The following PCDHGA2 variants were observed in gnomAD, a reference collection of about 807,000 sequenced individuals.
PCDHGA2 encodes the protein protocadherin gamma subfamily A, 2, also known as protocadherin gamma-A2.
Under a neutral mutation model 59.2 loss-of-function variants are expected in PCDHGA2, and 40 were observed. The ratio of observed to expected loss-of-function variants is 0.68; its 90% CI spans 0.52 to 0.88. PCDHGA2 has a LOEUF of 0.88. PCDHGA2 is among the 40% of genes least tolerant of loss of function. PCDHGA2 has a pLI of 0.00. For synonymous variants in PCDHGA2, 560 were observed against 526.0 expected, an observed-to-expected ratio of 1.06 and a Z score of -0.89; for missense variants, 1,226 against 1,204.0, an observed-to-expected ratio of 1.02 and a Z score of -0.27.
intron 1 of PCDHGA2, among the ~76,000 whole-genome samples, chr5:141,386,313 A>G (rs2090530914): frequency 6.6e-6 from 1 of 152,156 alleles, no homozygotes; most frequent in Non-Finnish European, 1.5e-5. Context: ...TCAGTATATC[A>G]AGTGATTGTC....
chr5:141,506,506 C>T (rs1279198463), intron 3 of PCDHGA2, among the ~76,000 whole-genome samples: 2 of 151,030 alleles, frequency 1.3e-5, no homozygotes. Context: ...GATTCAAATC[C>T]TGGCACCTGG....
At chr5:141,479,651 C>CAAA (rs931031810) in intron 1 of PCDHGA2, 2 of 152,124 alleles carry the variant, frequency 1.3e-5, no homozygotes, top group African/African-American at 2.4e-5. Flanking sequence ...ACAACAACAA[C>CAAA]AATCCCAGAA....
chr5:141,502,450 C>T (rs184669731), intron 2 of PCDHGA2, among the ~76,000 whole-genome samples: 3 of 152,010 alleles, frequency 2.0e-5, no homozygotes, highest in Admixed American at 1.3e-4. Context: ...AGATTACACA[C>T]CTTGGTAGGA....
In PCDHGA2 at chr5:141,354,495, G is replaced by T. The variant is rs751604496; in HGVS notation, c.2424+13100G>T. Among the ~76,000 whole-genome samples the T allele has an allele frequency of 2.9e-4, 44 of 152,326 alleles. 1 individual carries two copies. Among genetic ancestry groups the T allele is most frequent in the Non-Finnish European group, 4.7e-4 (32 of 68,030 alleles). Reference sequence around the variant, plus strand: ...GGGTAAGGCTAACTCTTGAACAGTAGGTGAGTTTTTTGCAAGGGAATTGAA... The same window carrying T: ...GGGTAAGGCTAACTCTTGAACAGTATGTGAGTTTTTTGCAAGGGAATTGAA... On this transcript the variant is annotated intron_variant, in intron 1 of 3. Coordinates refer to ENST00000394576, the MANE Select transcript of PCDHGA2 (RefSeq NM_018915.4).
intron 1 of PCDHGA2, chr5:141,345,745 G>T (rs1385143951): frequency 6.2e-7 from 1 of 1,614,202 alleles, no homozygotes; most frequent in South Asian, 1.1e-5. Flanking sequence ...CCCACAGACG[G>T]TTCCACTGGC....
chr5:141,431,190 A>G lies in PCDHGA2; in HGVS notation c.2425-63617A>G, dbSNP rs1363655439. 1 of 1,614,228 alleles carries G rather than the reference A, an allele frequency of 6.2e-7. No homozygotes were observed. Among genetic ancestry groups the G allele is most frequent in the Non-Finnish European group, 8.5e-7 (1 of 1,180,038 alleles). ...AGTGAATTAGAAATAAAAATTAGTGAAAATGCAGCCACTGAGATGCGGTTC... is the reference window on the plus strand; with the variant it reads ...AGTGAATTAGAAATAAAAATTAGTGGAAATGCAGCCACTGAGATGCGGTTC... On this transcript the variant is annotated intron_variant, in intron 1 of 3. Transcript: ENST00000394576. This position sits in a 1 kb window ranked among gnomAD's most constrained non-coding sequence, Gnocchi z 4.8.
intron 1 of PCDHGA2, chr5:141,345,610 G>C (rs555894618): frequency 1.2e-6 from 2 of 1,614,194 alleles, no homozygotes; most frequent in African/African-American, 1.3e-5. Context: ...GAGCAATTTA[G>C]AGACTTAAAG....
chr5:141,474,083 A>G (rs771906750), intron 1 of PCDHGA2, among the ~76,000 whole-genome samples: 2 of 152,190 alleles, frequency 1.3e-5, no homozygotes, highest in African/African-American at 2.4e-5. Flanking sequence ...AACAAAAACC[A>G]AAAAACAAAC....
Position 141,477,383 on chromosome 5 carries a change from T to A in PCDHGA2, c.2425-17424T>A. 6.2e-7 allele frequency: 1 copy of A among 1,614,102 alleles called. No homozygotes were observed. Among genetic ancestry groups the A allele is most frequent in the Non-Finnish European group, 8.5e-7 (1 of 1,180,006 alleles). On this transcript the variant is annotated intron_variant, in intron 1 of 3. Transcript: ENST00000394576. This position sits in a 1 kb window ranked among gnomAD's most constrained non-coding sequence, Gnocchi z 4.9. Reference sequence around the variant, plus strand: ...CCTGGATCGGGAGACTGTGCCAGAATACAACCTCAGCATCACCGCCCGAGA... The same window carrying A: ...CCTGGATCGGGAGACTGTGCCAGAAAACAACCTCAGCATCACCGCCCGAGA...
chr5:141,385,004 G>T, intron 1 of PCDHGA2: 1 of 1,614,140 alleles, frequency 6.2e-7, no homozygotes, highest in Non-Finnish European at 8.5e-7. Flanking sequence ...ACAGTCTCCT[G>T]CGTCTTCCTA....
At position 141,455,354 on chromosome 5, in the gene PCDHGA2, T is replaced by C. The variant is rs185319743; in HGVS notation, c.2425-39453T>C. ...TGGTTTTAAGGAGCGGAGAGTTTAA[T>C]AGGCAAGAAGGAAGGGAGAAGACAG... On this transcript the variant is annotated intron_variant, in intron 1 of 3. Coordinates refer to ENST00000394576, the MANE Select transcript of PCDHGA2 (RefSeq NM_018915.4). Among the ~76,000 whole-genome samples the C allele has an allele frequency of 1.7e-3, 263 of 152,180 alleles. 2 individuals are homozygous for C. The highest frequency in any genetic ancestry group is 3.0e-3 in the Non-Finnish European group (207 of 68,010).
At position 141,370,127 on chromosome 5, in the gene PCDHGA2, G is replaced by A. The variant is rs1588666057; in HGVS notation, c.2424+28732G>A. ...TTTCTCCTAACTAGCTCCTTATTTGGAGCTGATTTAGTCACCATTACTGCA... is the reference window on the plus strand; with the variant it reads ...TTTCTCCTAACTAGCTCCTTATTTGAAGCTGATTTAGTCACCATTACTGCA... On this transcript the variant is annotated intron_variant, in intron 1 of 3. Transcript: ENST00000394576. 5 of 394,722 alleles carry A rather than the reference G, an allele frequency of 1.3e-5. No individual in the cohort carries two copies. The East Asian group carries it at 1.9e-4, about 15-fold the overall frequency. 24.5% of individuals were successfully genotyped at this position (394,722 alleles called of 1,614,324 possible). A position where few individuals can be genotyped will look rare whatever the true frequency, so the allele number is the denominator to read the frequency against.
chr5:141,491,646 G>T lies in PCDHGA2; in HGVS notation c.2425-3161G>T. On this transcript the variant is annotated intron_variant, in intron 1 of 3. Transcript: ENST00000394576. The surrounding 1 kb of genome is among the most constrained non-coding windows in gnomAD (Gnocchi z 6.9). ...GCGTTCAGCAGCCCACAGCTCTGGC[G>T]CTGGAGCCTGACGCCATCCGGTCCC... is the stretch of plus-strand genomic sequence containing the variant. 1 of 1,613,872 alleles carries T rather than the reference G, an allele frequency of 6.2e-7. No individual in the cohort carries two copies. The highest frequency in any genetic ancestry group is 8.5e-7 in the Non-Finnish European group (1 of 1,180,030).
At chr5:141,353,092 G>A (rs377333833) in intron 1 of PCDHGA2, among the ~76,000 whole-genome samples, 1 of 152,080 alleles carries the variant, frequency 6.6e-6, no homozygotes, top group Admixed American at 6.5e-5. Flanking sequence ...CTGCGGGAGG[G>A]GGTACTAGAT....
chr5:141,340,699 G>A lies in PCDHGA2; in HGVS notation c.1728G>A (p.Glu576=). The change falls in exon 1 of 4, where the codon GAG becomes GAA. Residue 576 remains glutamate, a synonymous_variant. Transcript: ENST00000394576. ...AFPTDGSTGV[E]LAPRSAEPGY... is the part of the protein sequence containing the mutation. Reference sequence around the variant, plus strand: ...CCACAGACGGTTCCACTGGCGTGGAGCTGGCGCCCCGCTCCGCAGAGCCCG... The same window carrying A: ...CCACAGACGGTTCCACTGGCGTGGAACTGGCGCCCCGCTCCGCAGAGCCCG... 6.2e-7 allele frequency: 1 copy of A among 1,614,158 alleles called. No homozygotes were observed. Among genetic ancestry groups the A allele is most frequent in the Non-Finnish European group, 8.5e-7 (1 of 1,180,044 alleles).
chr5:141,418,228 T>C, intron 1 of PCDHGA2: 2 of 1,613,990 alleles, frequency 1.2e-6, no homozygotes, highest in Non-Finnish European at 1.7e-6. Context: ...TTGTGGTGAT[T>C]GAGGATGTTA....
intron 1 of PCDHGA2, chr5:141,414,615 G>A: frequency 6.2e-7 from 1 of 1,613,962 alleles, no homozygotes; most frequent in Non-Finnish European, 8.5e-7. Context: ...CAGTGACAGC[G>A]CTGGACCCGG....
At chr5:141,365,292 C>T in intron 1 of PCDHGA2, 1 of 1,614,002 alleles carries the variant, frequency 6.2e-7, no homozygotes, top group Non-Finnish European at 8.5e-7. Flanking sequence ...GAAGTGGTAG[C>T]TCAGGATGGA....
chr5:141,475,731 C>T (rs991175739), intron 1 of PCDHGA2, among the ~76,000 whole-genome samples: 1 of 152,248 alleles, frequency 6.6e-6, no homozygotes, highest in African/African-American at 2.4e-5. Context: ...GGCTGGCTTT[C>T]CCTAAGGTAG....
Sources: gnomAD v4.1 joint callset for allele counts (sites outside exome capture counted in the v4.1 genomes callset) on GRCh38, gnomAD v4.1.1 for gene constraint, Gnocchi (gnomAD v3.1) non-coding constraint, MANE v1.5 for transcripts, NCBI Gene and HGNC (gene_info 2026-07-23, HGNC 2026-07-21) for gene names.